Variants in CAST observed in about 807,000 individuals in gnomAD.
CAST encodes the protein calpastatin.
CAST carries 76 observed loss-of-function variants against 119.6 expected under a neutral mutation model. That is an observed-to-expected ratio of 0.64 (90% CI 0.53 to 0.77). The LOEUF (loss-of-function observed/expected upper bound fraction) is 0.77, where lower values mean the gene tolerates loss of function less well. CAST is among the 30% of genes least tolerant of loss of function. CAST has a pLI of 0.00. For synonymous variants in CAST, 319 were observed against 331.6 expected, an observed-to-expected ratio of 0.96 and a Z score of 0.41; for missense variants, 953 against 946.5, an observed-to-expected ratio of 1.01 and a Z score of -0.09.
the CAST span, among the ~76,000 whole-genome samples, chr5:96,044,803 T>C: frequency 6.6e-6 from 1 of 152,288 alleles, no homozygotes; most frequent in East Asian, 1.9e-4. Context: ...TGGAATACTA[T>C]ACAGCAATGA....
the CAST span, among the ~76,000 whole-genome samples, chr5:96,336,547 G>A: frequency 6.6e-6 from 1 of 152,198 alleles, no homozygotes; most frequent in Admixed American, 6.5e-5. Context: ...TGTAAACCCG[G>A]CAGAACTTGT....
chr5:96,497,426 G>A, the CAST span, among the ~76,000 whole-genome samples: 3 of 152,098 alleles, frequency 2.0e-5, no homozygotes, highest in Admixed American at 1.3e-4. Flanking sequence ...GATCCCTGAG[G>A]AATCGCCACA....
the CAST span, among the ~76,000 whole-genome samples, chr5:96,408,980 C>T: frequency 1.3e-5 from 2 of 152,178 alleles, no homozygotes; most frequent in Admixed American, 6.5e-5. Context: ...GATTTGTCCT[C>T]GGGCAAGTCA....
intron 1 of CAST, among the ~76,000 whole-genome samples, chr5:96,548,289 G>C (rs548794399): frequency 6.6e-6 from 1 of 152,296 alleles, no homozygotes; most frequent in Admixed American, 6.5e-5. Context: ...AATTGACTTA[G>C]ATCTGAAAAC....
At chr5:96,079,967 T>C in the CAST span, among the ~76,000 whole-genome samples, 1 of 152,216 alleles carries the variant, frequency 6.6e-6, no homozygotes, top group Non-Finnish European at 1.5e-5. Flanking sequence ...TATATATACA[T>C]ATTCGTGCAT....
chr5:96,220,015 C>T, the CAST span, among the ~76,000 whole-genome samples: 4 of 152,100 alleles, frequency 2.6e-5, no homozygotes, highest in Admixed American at 2.0e-4. Context: ...CCATTCCTTT[C>T]CCCTTTCTTC....
At chr5:96,258,015 C>G in the CAST span, among the ~76,000 whole-genome samples, 18 of 152,036 alleles carry the variant, frequency 1.2e-4, no homozygotes, top group Non-Finnish European at 2.4e-4. Context: ...CAGCATGGAC[C>G]ACCTTGTAAG....
intron 1 of CAST, among the ~76,000 whole-genome samples, chr5:96,561,786 G>GGTTTTTTTTT (rs1189100090): frequency 0.022 from 2,285 of 105,114 alleles, 410 homozygotes; most frequent in Middle Eastern, 0.034. Flanking sequence ...TTATATATAT[G>GGTTTTTTTTT]TTTTTTTTTG....
chr5:96,726,886 T>A (rs1336075883), intron 5 of CAST, 27 bp downstream of exon 5: 4 of 1,538,628 alleles, frequency 2.6e-6, no homozygotes, highest in Non-Finnish European at 3.6e-6. Flanking sequence ...TACTAGGGCA[T>A]CTCTGTTTAC....
chr5:95,979,947 G>A, the CAST span, among the ~76,000 whole-genome samples: 2 of 152,000 alleles, frequency 1.3e-5, no homozygotes, highest in Non-Finnish European at 2.9e-5. Context: ...GTAAAGTCCT[G>A]TCTCTATTAA....
chr5:96,572,205 A>AT (rs10654861), intron 1 of CAST, among the ~76,000 whole-genome samples: 65,170 of 147,524 alleles, frequency 0.44, 14,761 homozygotes, highest in Middle Eastern at 0.52. Flanking sequence ...AATTTGTGCT[A>AT]TTTTTTTTTT....
the CAST span, among the ~76,000 whole-genome samples, chr5:96,217,204 A>ATT: frequency 8.2e-5 from 8 of 97,018 alleles, no homozygotes; most frequent in Admixed American, 1.3e-4. Flanking sequence ...ATGCTAGCTA[A>ATT]TTTTTTTTTT....
intron 20 of CAST, 60 bp downstream of exon 20, chr5:96,750,742 C>A: frequency 2.2e-6 from 2 of 896,972 alleles, no homozygotes; most frequent in South Asian, 1.3e-5. Flanking sequence ...CTCCTCCTGT[C>A]ACTCTCTGCT....
chr5:96,407,695 A>G, the CAST span, among the ~76,000 whole-genome samples: 1 of 152,226 alleles, frequency 6.6e-6, no homozygotes, highest in South Asian at 2.1e-4. Context: ...TGTTTATACA[A>G]TGGAACACTG....
Position 96,606,042 on chromosome 5 carries a change from T to G in CAST, c.61-69497T>G, listed in dbSNP as rs77574892. Among the ~76,000 whole-genome samples the G allele has an allele frequency of 5.9e-5, 9 of 152,328 alleles. No homozygotes were observed. In the East Asian group the frequency reaches 9.6e-4, roughly 16 times the overall value. ...TATGGAGTTCACTCTGCCACTCCTT[T>G]GGGTCAATCTGAGAGAGTTGTGGGG... On this transcript the variant is annotated intron_variant, in intron 1 of 11. Transcript: ENST00000505143.
At chr5:96,576,341 AGTTTTGTTTT>A (rs949839739) in intron 1 of CAST, among the ~76,000 whole-genome samples, 1 of 151,664 alleles carries the variant, frequency 6.6e-6, no homozygotes. Flanking sequence ...CTAGATCTAA[AGTTTTGTTTT>A]GTTTTGTTTT....
chr5:96,369,032 C>T, the CAST span, among the ~76,000 whole-genome samples: 2 of 151,952 alleles, frequency 1.3e-5, no homozygotes, highest in Non-Finnish European at 2.9e-5. Context: ...TCAATAATCG[C>T]TTCAATTATT....
chr5:96,361,874 G>A, the CAST span, among the ~76,000 whole-genome samples: 1 of 130,532 alleles, frequency 7.7e-6, no homozygotes, highest in Non-Finnish European at 1.6e-5. Flanking sequence ...TAGGGTACAT[G>A]TGCACAACGT....
chr5:96,580,963 T>A (rs780552073), intron 1 of CAST, among the ~76,000 whole-genome samples: 18 of 152,218 alleles, frequency 1.2e-4, no homozygotes, highest in Non-Finnish European at 2.9e-5. Flanking sequence ...GAGGACACAA[T>A]GAGAAGGCAC....
Sources: gnomAD v4.1 joint callset for allele counts (sites outside exome capture counted in the v4.1 genomes callset) on GRCh38, gnomAD v4.1.1 for gene constraint, MANE v1.5 for transcripts, NCBI Gene and HGNC (gene_info 2026-07-23, HGNC 2026-07-21) for gene names.